The following ZBTB20 variants were observed in gnomAD, a reference collection of about 807,000 sequenced individuals.
ZBTB20 encodes the protein zinc finger and BTB domain containing 20.
A neutral mutation model predicts 56.9 loss-of-function variants in ZBTB20; 9 were observed. The observed-to-expected ratio is 0.16, with a 90% CI of 0.10 to 0.28. ZBTB20 has a LOEUF of 0.28. Ranked by LOEUF, ZBTB20 falls within the 10% of genes least tolerant of loss-of-function variation. The pLI, the probability that ZBTB20 is intolerant of heterozygous loss-of-function variation, is 1.00. For synonymous variants in ZBTB20, 417 were observed against 420.7 expected, an observed-to-expected ratio of 0.99 and a Z score of 0.11; for missense variants, 655 against 1,003.0, an observed-to-expected ratio of 0.65 and a Z score of 4.69.
intron 3 of ZBTB20, among the ~76,000 whole-genome samples, chr3:114,957,430 T>A (rs142134919): frequency 0.015 from 2,331 of 152,326 alleles, 33 homozygotes; most frequent in South Asian, 0.05. Context: ...AATTTTGTTT[T>A]AATTATATGA....
Position 114,810,917 on chromosome 3 carries a change from G to C in ZBTB20, c.-416-9743C>G, listed in dbSNP as rs142265609. On this transcript the variant is annotated intron_variant, in intron 4 of 11. Transcript: ENST00000675478. ...CATCTCTAGAAAGTTTAAAGGTTTGGGGGGGATTAAGAATTTCTAGGGAAG... is the reference window on the plus strand; with the variant it reads ...CATCTCTAGAAAGTTTAAAGGTTTGCGGGGGATTAAGAATTTCTAGGGAAG... Among the ~76,000 whole-genome samples the C allele has an allele frequency of 1.4e-3, 208 of 152,152 alleles. 3 individuals carry two copies. In the East Asian group the frequency reaches 0.035, roughly 26 times the overall value.
intron 5 of ZBTB20, among the ~76,000 whole-genome samples, chr3:114,767,250 A>T (rs2068849000): frequency 6.6e-6 from 1 of 152,134 alleles, no homozygotes; most frequent in Non-Finnish European, 1.5e-5. Context: ...TAGGTTTTGC[A>T]TAGATACTAC....
At chr3:114,342,170 G>A (rs574008209) in intron 11 of ZBTB20, among the ~76,000 whole-genome samples, 7 of 152,100 alleles carry the variant, frequency 4.6e-5, no homozygotes, top group East Asian at 3.8e-4. Flanking sequence ...AATTTGAAAC[G>A]CAGTCACTCA....
intron 6 of ZBTB20, among the ~76,000 whole-genome samples, chr3:114,504,927 C>T (rs1210151364): frequency 6.6e-6 from 1 of 152,200 alleles, no homozygotes; most frequent in Non-Finnish European, 1.5e-5. Context: ...CCAAAATCTA[C>T]ATATTTTTAA....
At chr3:114,724,348 G>T (rs2065124923) in intron 5 of ZBTB20, among the ~76,000 whole-genome samples, 1 of 152,156 alleles carries the variant, frequency 6.6e-6, no homozygotes, top group African/African-American at 2.4e-5. Flanking sequence ...AATTTAAGAT[G>T]ACAGTTGACT....
At chr3:114,783,939 T>C (rs1489821730) in intron 5 of ZBTB20, among the ~76,000 whole-genome samples, 1 of 152,130 alleles carries the variant, frequency 6.6e-6, no homozygotes, top group Non-Finnish European at 1.5e-5. Context: ...AAAAACCACA[T>C]AGGAGTCACA....
intron 2 of ZBTB20, among the ~76,000 whole-genome samples, chr3:115,013,968 T>C (rs1479697594): frequency 2.6e-5 from 4 of 151,452 alleles, no homozygotes; most frequent in Non-Finnish European, 5.9e-5. Context: ...ATATTGAAGA[T>C]ATATCTGCAC....
intron 4 of ZBTB20, among the ~76,000 whole-genome samples, chr3:114,882,071 TTTCCATAA>T (rs1364849051): frequency 6.6e-6 from 1 of 151,902 alleles, no homozygotes; most frequent in African/African-American, 2.4e-5. Context: ...GAAAATTTAT[TTTCCATAA>T]TATACAAAGA....
At chr3:114,557,770 T>C (rs923346998) in intron 6 of ZBTB20, among the ~76,000 whole-genome samples, 19 of 152,120 alleles carry the variant, frequency 1.2e-4, no homozygotes, top group East Asian at 5.8e-4. Context: ...ATTTGCATTA[T>C]ATATGAATGT....
intron 6 of ZBTB20, among the ~76,000 whole-genome samples, chr3:114,514,232 G>C (rs2045728688): frequency 2.0e-5 from 3 of 152,148 alleles, no homozygotes; most frequent in South Asian, 4.1e-4. Flanking sequence ...GTTGTTTATT[G>C]AAATTCCCCC....
At chr3:114,404,248 C>T (rs550464973) in intron 7 of ZBTB20, among the ~76,000 whole-genome samples, 2 of 152,264 alleles carry the variant, frequency 1.3e-5, no homozygotes, top group African/African-American at 4.8e-5. Context: ...CATTCTGGTA[C>T]TAATAAAGAT....
intron 6 of ZBTB20, chr3:114,519,600 G>C (rs1444831797): frequency 6.6e-6 from 1 of 152,212 alleles, no homozygotes; most frequent in Admixed American, 6.5e-5. Flanking sequence ...TCCCCACTCT[G>C]ATGGTTGCTC....
chr3:114,768,428 T>C (rs1334978880), intron 5 of ZBTB20, among the ~76,000 whole-genome samples: 1 of 152,050 alleles, frequency 6.6e-6, no homozygotes, highest in African/African-American at 2.4e-5. Context: ...TGCCCTGATT[T>C]TGAACATTAG....
chr3:114,501,675 G>A (rs1353401547), intron 6 of ZBTB20, among the ~76,000 whole-genome samples: 1 of 146,020 alleles, frequency 6.8e-6, no homozygotes, highest in African/African-American at 2.5e-5. Context: ...TATAGGACTG[G>A]TCTGCCCATC....
chr3:115,078,793 T>A (rs2082691829), intron 1 of ZBTB20, among the ~76,000 whole-genome samples: 1 of 151,976 alleles, frequency 6.6e-6, no homozygotes, highest in African/African-American at 2.4e-5. Flanking sequence ...TTAGGTCTTT[T>A]ATGTTAATCA....
At chr3:115,033,505 A>G (rs1423365397) in intron 2 of ZBTB20, among the ~76,000 whole-genome samples, 1 of 151,618 alleles carries the variant, frequency 6.6e-6, no homozygotes, top group Non-Finnish European at 1.5e-5. Flanking sequence ...TGATCCAGCA[A>G]TCCCACTGCT....
chr3:114,627,655 A>G (rs1272779558), intron 6 of ZBTB20, among the ~76,000 whole-genome samples: 1 of 152,256 alleles, frequency 6.6e-6, no homozygotes, highest in Non-Finnish European at 1.5e-5. Context: ...AAACCTGTAC[A>G]TATAAATATA....
rs367565159 is a variant in ZBTB20 at position 114,444,475 on chromosome 3, T to C, written c.-254-55370A>G. Among the ~76,000 whole-genome samples, 91 of 152,302 alleles carry C rather than the reference T, an allele frequency of 6.0e-4. 1 individual carries two copies. The highest frequency in any genetic ancestry group is 2.0e-3 in the African/African-American group (85 of 41,580). ...AAATAGAAACCCTGAGGGTCTGGTT[T>C]CTTCCACTTCTTCAAAGTGGGATAT... On this transcript the variant is annotated intron_variant, in intron 7 of 11. Transcript: ENST00000675478.
Position 114,563,148 on chromosome 3 carries a change from T to C in ZBTB20, c.-294-62757A>G, listed in dbSNP as rs180739632. Among the ~76,000 whole-genome samples, 147 of 152,338 alleles carry C rather than the reference T, an allele frequency of 9.6e-4. 1 individual carries two copies. The highest frequency in any genetic ancestry group is 1.7e-3 in the South Asian group (8 of 4,832). ...AGTGCAATAGAAAGAGGTATGCTTC[T>C]ATATCCTATTTTCAATACAAAGATG... On this transcript the variant is annotated intron_variant, in intron 6 of 11. Coordinates refer to ENST00000675478, the MANE Select transcript of ZBTB20 (RefSeq NM_001348800.3).
Sources: allele counts gnomAD v4.1 joint callset (sites outside exome capture counted in the v4.1 genomes callset), GRCh38; gene constraint gnomAD v4.1.1; transcripts MANE v1.5; gene names NCBI Gene and HGNC (gene_info 2026-07-23, HGNC 2026-07-21).